PCDHGA1: variants seen among roughly 807,000 people sequenced by gnomAD.
PCDHGA1 encodes the protein protocadherin gamma subfamily A, 1, also known as protocadherin gamma-A1.
A neutral mutation model predicts 58.0 loss-of-function variants in PCDHGA1; 32 were observed. The observed-to-expected ratio is 0.55, with a 90% CI of 0.42 to 0.74. The LOEUF (loss-of-function observed/expected upper bound fraction) is 0.74. PCDHGA1 is among the 30% of genes least tolerant of loss of function. The pLI, the probability that PCDHGA1 is intolerant of heterozygous loss-of-function variation, is 0.00. For synonymous variants in PCDHGA1, 498 were observed against 501.1 expected, an observed-to-expected ratio of 0.99 and a Z score of 0.08; for missense variants, 1,205 against 1,182.3, an observed-to-expected ratio of 1.02 and a Z score of -0.28.
chr5:141,410,528 A>G (rs1464482105), intron 1 of PCDHGA1: 3 of 1,613,852 alleles, frequency 1.9e-6, no homozygotes, highest in Non-Finnish European at 2.5e-6. Flanking sequence ...CCTACATTCC[A>G]ATGAAGACAT....
rs1349935659 is a variant in PCDHGA1 at position 141,507,722 on chromosome 5, A to C, written c.2569+2241A>C. 6.6e-5 allele frequency among the ~76,000 whole-genome samples: 10 copies of C among 152,354 alleles called. No homozygotes were observed. In the East Asian group the frequency reaches 1.9e-3, roughly 29 times the overall value. ...ATTTATGGCCCCAAACCCTCCAAGC[A>C]AGTCATGCAGCTCGTTCCCCTGTCA... On this transcript the variant is annotated intron_variant, in intron 3 of 3. Coordinates refer to ENST00000517417, the MANE Select transcript of PCDHGA1 (RefSeq NM_018912.3).
At chr5:141,360,924 A>G (rs1475518154) in intron 1 of PCDHGA1, 3 of 1,614,006 alleles carry the variant, frequency 1.9e-6, no homozygotes, top group South Asian at 2.2e-5. Flanking sequence ...TTGTGCTTCA[A>G]GTGACAGCCA....
intron 1 of PCDHGA1, chr5:141,372,722 A>C: frequency 6.2e-7 from 1 of 1,613,930 alleles, no homozygotes; most frequent in Non-Finnish European, 8.5e-7. Context: ...AAAATGCTGC[A>C]CCACAAGATC....
chr5:141,404,499 C>T lies in PCDHGA1; in HGVS notation c.2421+71394C>T, dbSNP rs147632103. ...AACTCAGACACTGGTGTGCTGTATG[C>T]TCTGTGCTCCTTTGACTATGAGCAG... On this transcript the variant is annotated intron_variant, in intron 1 of 3. Coordinates refer to ENST00000517417, the MANE Select transcript of PCDHGA1 (RefSeq NM_018912.3). 1.0e-4 allele frequency: 163 copies of T among 1,613,840 alleles called. 1 individual carries two copies. The East Asian group carries it at 3.6e-3, about 36-fold the overall frequency.
In PCDHGA1 at chr5:141,432,262, A is replaced by G; in HGVS notation, c.2422-62545A>G. 1.9e-6 allele frequency: 3 copies of G among 1,614,222 alleles called. No homozygotes were observed. Among genetic ancestry groups the G allele is most frequent in the Non-Finnish European group, 2.5e-6 (3 of 1,180,036 alleles). On this transcript the variant is annotated intron_variant, in intron 1 of 3. Coordinates refer to ENST00000517417, the MANE Select transcript of PCDHGA1 (RefSeq NM_018912.3). This position sits in a 1 kb window ranked among gnomAD's most constrained non-coding sequence, Gnocchi z 6.0. ...AGAACACCATCCAAGGGGCAAGCCT[A>G]TCGTCCTACGTGTCCATCAACTCCG...
rs370361048 is a variant in PCDHGA1, at chr5:141,361,546, A to G, written c.2421+28441A>G. 2.4e-5 allele frequency: 38 copies of G among 1,613,904 alleles called. No individual in the cohort carries two copies. Among genetic ancestry groups the G allele is most frequent in the South Asian group, 2.3e-4 (21 of 91,088 alleles). On this transcript the variant is annotated intron_variant, in intron 1 of 3. Transcript: ENST00000517417. ...AGAGAACAATCCTCCTGGCGCCTCT[A>G]TCGCTCAAATCAGTGCCTCTGACCC...
In PCDHGA1 at chr5:141,415,309, G is replaced by A. The variant is rs199689792; in HGVS notation, c.2422-79498G>A. ...GGTCTCCTGCGTCTTCCTGGCCTTC[G>A]TCATCGTGCTGCTGGCGCACAGGCT... is the stretch of plus-strand genomic sequence containing the variant. On this transcript the variant is annotated intron_variant, in intron 1 of 3. Coordinates refer to ENST00000517417, the MANE Select transcript of PCDHGA1 (RefSeq NM_018912.3). 2.7e-5 allele frequency: 44 copies of A among 1,614,216 alleles called. No homozygotes were observed. In the Middle Eastern group the frequency reaches 8.2e-4, roughly 30 times the overall value.
At position 141,397,489 on chromosome 5, in the gene PCDHGA1, A is replaced by G. The variant is rs568778994; in HGVS notation, c.2421+64384A>G. 3.3e-5 allele frequency among the ~76,000 whole-genome samples: 5 copies of G among 152,372 alleles called. No homozygotes were observed. In the East Asian group the frequency reaches 9.6e-4, roughly 29 times the overall value. ...GGAGTTGGAAATCATAGAAATGAAC[A>G]GAAGAATGATAAAATTGTTTCCATA... On this transcript the variant is annotated intron_variant, in intron 1 of 3. Coordinates refer to ENST00000517417, the MANE Select transcript of PCDHGA1 (RefSeq NM_018912.3).
intron 1 of PCDHGA1, chr5:141,478,871 T>C: frequency 2.4e-6 from 3 of 1,274,796 alleles, no homozygotes; most frequent in Non-Finnish European, 3.1e-6. Flanking sequence ...GCGATCAGAG[T>C]TTAGCTTGGT....
chr5:141,492,425 C>T (rs1243599547), intron 1 of PCDHGA1, among the ~76,000 whole-genome samples: 1 of 152,254 alleles, frequency 6.6e-6, no homozygotes, highest in Non-Finnish European at 1.5e-5. Flanking sequence ...CTCCGCCGGG[C>T]TCAGGAGTAC....
chr5:141,404,917 G>A (rs750464541), intron 1 of PCDHGA1: 37 of 1,613,652 alleles, frequency 2.3e-5, no homozygotes, highest in Middle Eastern at 3.3e-4. Flanking sequence ...CCCCTCTCTC[G>A]GCCACTGTCA....
chr5:141,437,355 A>C (rs2097877902), intron 1 of PCDHGA1, among the ~76,000 whole-genome samples: 1 of 152,238 alleles, frequency 6.6e-6, no homozygotes, highest in Non-Finnish European at 1.5e-5. Flanking sequence ...ATAGTACCTA[A>C]AATTGGAATG....
chr5:141,419,698 G>A, intron 1 of PCDHGA1: 1 of 1,612,978 alleles, frequency 6.2e-7, no homozygotes, highest in Non-Finnish European at 8.5e-7. Context: ...AGGCCAGTGA[G>A]CCCGGGCTCT....
intron 1 of PCDHGA1, chr5:141,361,249 A>G: frequency 6.2e-7 from 1 of 1,614,034 alleles, no homozygotes; most frequent in Non-Finnish European, 8.5e-7. Flanking sequence ...GATAAAAACG[A>G]GAGACAGAGA....
chr5:141,494,784 C>T, intron 1 of PCDHGA1, 23 bp from the exon 2 acceptor site: 1 of 1,614,110 alleles, frequency 6.2e-7, no homozygotes, highest in Non-Finnish European at 8.5e-7. Flanking sequence ...TACTCAGCCC[C>T]TTTCCCTCTG....
rs753845173 is a variant in PCDHGA1, at chr5:141,490,873, C to T, written c.2422-3934C>T. On this transcript the variant is annotated intron_variant, in intron 1 of 3. Coordinates refer to ENST00000517417, the MANE Select transcript of PCDHGA1 (RefSeq NM_018912.3). The surrounding 1 kb of genome is among the most constrained non-coding windows in gnomAD (Gnocchi z 5.4). Reference sequence around the variant, plus strand: ...TCGAGACTCCGGCTCTCCCCCATTGCATGCCAACACATCTCTGCATGTGTT... The same window carrying T: ...TCGAGACTCCGGCTCTCCCCCATTGTATGCCAACACATCTCTGCATGTGTT... 5.6e-6 allele frequency: 9 copies of T among 1,613,884 alleles called. No homozygotes were observed. The highest frequency in any genetic ancestry group is 7.6e-6 in the Non-Finnish European group (9 of 1,179,908).
intron 1 of PCDHGA1, chr5:141,371,955 GA>G: frequency 6.2e-7 from 1 of 1,613,258 alleles, no homozygotes; most frequent in Non-Finnish European, 8.5e-7. Flanking sequence ...GCGAGCCTTC[GA>G]CCACGAGCAG....
At chr5:141,404,465 G>C in intron 1 of PCDHGA1, 1 of 1,613,516 alleles carries the variant, frequency 6.2e-7, no homozygotes, top group Non-Finnish European at 8.5e-7. Flanking sequence ...CTCCACCTAT[G>C]TCTCTATTAA....
chr5:141,441,800 G>T, intron 1 of PCDHGA1: 1 of 382,594 alleles, frequency 2.6e-6, no homozygotes, highest in Non-Finnish European at 5.2e-6. Flanking sequence ...ACGCACCGCG[G>T]GTGCTGTACC....
Sources: gnomAD v4.1 joint callset for allele counts (sites outside exome capture counted in the v4.1 genomes callset) on GRCh38, gnomAD v4.1.1 for gene constraint, Gnocchi (gnomAD v3.1) non-coding constraint, MANE v1.5 for transcripts, NCBI Gene and HGNC (gene_info 2026-07-23, HGNC 2026-07-21) for gene names.